CFAP206: variants seen among roughly 807,000 people sequenced by gnomAD.
The protein encoded by CFAP206 is cilia- and flagella-associated protein 206.
Under a neutral mutation model 65.4 loss-of-function variants are expected in CFAP206, and 53 were observed. The ratio of observed to expected loss-of-function variants is 0.81; its 90% CI spans 0.65 to 1.02. CFAP206 has a LOEUF of 1.02. CFAP206 is among the 50% of genes least tolerant of loss of function. The pLI is 0.00. For synonymous variants in CFAP206, 250 were observed against 254.4 expected, an observed-to-expected ratio of 0.98 and a Z score of 0.17; for missense variants, 663 against 753.2, an observed-to-expected ratio of 0.88 and a Z score of 1.40.
chr6:87,450,140 A>C (rs908742294), intron 11 of CFAP206, among the ~76,000 whole-genome samples: 1 of 151,734 alleles, frequency 6.6e-6, no homozygotes, highest in African/African-American at 2.4e-5. Flanking sequence ...AAATGTGTGG[A>C]TTTATTTCTG....
intron 11 of CFAP206, among the ~76,000 whole-genome samples, chr6:87,457,149 C>CAAAAAAAA (rs56842848): frequency 2.6e-5 from 3 of 115,910 alleles, no homozygotes; most frequent in Non-Finnish European, 5.5e-5. Flanking sequence ...GACAACCTCT[C>CAAAAAAAA]AAAAAAAAAA....
rs1264399513 is a variant in CFAP206, at chr6:87,410,640, T to C, written c.164T>C (p.Met55Thr). The change falls in exon 3 of 13, where the codon ATG becomes ACG. Residue 55 changes from methionine (M) to threonine (T), a missense_variant. Coordinates refer to ENST00000369562, the MANE Select transcript of CFAP206 (RefSeq NM_001031743.3). ...SNGFNMDRTL[M>T]KSDVQNLVKL... ...GGCTTTAACATGGATAGAACCCTCA[T>C]GAAAAGTGATGTGCAGAATCTTGTT... 6.2e-7 allele frequency: 1 copy of C among 1,614,048 alleles called. No homozygotes were observed. Among genetic ancestry groups the C allele is most frequent in the Non-Finnish European group, 8.5e-7 (1 of 1,179,942 alleles).
intron 7 of CFAP206, among the ~76,000 whole-genome samples, chr6:87,421,104 T>C (rs894593825): frequency 2.0e-5 from 3 of 152,252 alleles, no homozygotes; most frequent in Admixed American, 2.0e-4. Context: ...TAAAGTCACA[T>C]TATTTGAACT....
chr6:87,449,436 CAAAAAAAAA>C (rs34540279), intron 11 of CFAP206, among the ~76,000 whole-genome samples: 1 of 53,060 alleles, frequency 1.9e-5, no homozygotes, highest in Non-Finnish European at 3.8e-5. Flanking sequence ...GACTCCATCT[CAAAAAAAAA>C]AAAAAAAAAA....
At chr6:87,408,927 C>G (rs1466694859) in intron 1 of CFAP206, 1 of 152,204 alleles carries the variant, frequency 6.6e-6, no homozygotes, top group Non-Finnish European at 1.5e-5. Flanking sequence ...CTTTGTTATA[C>G]TCTACATGCC....
At chr6:87,414,034 G>A in intron 4 of CFAP206, 134 bp downstream of exon 4, 2 of 421,908 alleles carry the variant, frequency 4.7e-6, no homozygotes, top group Non-Finnish European at 7.9e-6. Context: ...TCAACTTTGA[G>A]GAATACAACG....
Position 87,464,093 on chromosome 6 carries a change from A to G in CFAP206, c.1712A>G (p.Gln571Arg). The change falls in exon 13 of 13, where the codon CAA (glutamine) becomes CGA (arginine). Residue 571 changes from glutamine to arginine, a missense_variant. Transcript: ENST00000369562. ...LSHLRRENCSQVYPPKDTSTQ... is the reference protein window; with the variant it reads ...LSHLRRENCSRVYPPKDTSTQ... The stretch of plus-strand genomic sequence containing the variant: ...CACTTGAGAAGAGAAAATTGTTCCC[A>G]AGTGTACCCTCCAAAGGACACTAGC... 6.2e-7 allele frequency: 1 copy of G among 1,614,176 alleles called. No individual in the cohort carries two copies. The highest frequency in any genetic ancestry group is 8.5e-7 in the Non-Finnish European group (1 of 1,180,020).
In CFAP206 at chr6:87,428,602, G is replaced by C. The variant is rs751495559; in HGVS notation, c.961-24G>C. 4 of 1,599,562 alleles carry C rather than the reference G, an allele frequency of 2.5e-6. No individual in the cohort carries two copies. The South Asian group carries it at 4.4e-5, about 18-fold the overall frequency. On this transcript the variant is annotated intron_variant, in intron 8 of 12. Coordinates refer to ENST00000369562, the MANE Select transcript of CFAP206 (RefSeq NM_001031743.3). ...TAATTTTATTACACAGTTGCATTTT[G>C]AATATTTTTTTTCTCTTCCTCAGCC...
At chr6:87,414,091 A>G (rs554042927) in intron 4 of CFAP206, among the ~76,000 whole-genome samples, 191 bp downstream of exon 4, 9 of 152,320 alleles carry the variant, frequency 5.9e-5, no homozygotes, top group African/African-American at 2.2e-4. Context: ...GTGAGTGTTA[A>G]AAGTGAATTC....
At chr6:87,437,682 G>GGC (rs1157347488) in intron 11 of CFAP206, among the ~76,000 whole-genome samples, 1 of 151,480 alleles carries the variant, frequency 6.6e-6, no homozygotes, top group Non-Finnish European at 1.5e-5. Flanking sequence ...TTGAGACAGA[G>GGC]GCTCACTCTG....
chr6:87,419,946 A>T (rs566986979), intron 7 of CFAP206, among the ~76,000 whole-genome samples: 1 of 152,294 alleles, frequency 6.6e-6, no homozygotes, highest in South Asian at 2.1e-4. Flanking sequence ...GCATGGTGGT[A>T]CTAACCTGTA....
Position 87,461,002 on chromosome 6 carries a change from A to G in CFAP206, c.1495-20A>G. 1.3e-6 allele frequency: 2 copies of G among 1,561,802 alleles called. No homozygotes were observed. The highest frequency in any genetic ancestry group is 1.7e-6 in the Non-Finnish European group (2 of 1,161,912). ...TGTTTATTTTTTACAAGCACTAACT[A>G]CAAAACTCCACTTCTTTAGATGAGA... On this transcript the variant is annotated intron_variant, in intron 11 of 12. Transcript: ENST00000369562.
chr6:87,460,912 CA>C, intron 11 of CFAP206, 109 bp from the exon 12 acceptor site: 1 of 876,426 alleles, frequency 1.1e-6, no homozygotes, highest in Non-Finnish European at 1.7e-6. Context: ...ATTCCATGTC[CA>C]AAAATTATTG....
At chr6:87,429,862 G>A (rs1366608414) in intron 9 of CFAP206, among the ~76,000 whole-genome samples, 1 of 152,014 alleles carries the variant, frequency 6.6e-6, no homozygotes, top group Non-Finnish European at 1.5e-5. Flanking sequence ...AACTAAACCA[G>A]AAACTAAAAA....
chr6:87,412,346 G>A lies in CFAP206; in HGVS notation c.193-1464G>A, dbSNP rs777051802. 2.0e-5 allele frequency among the ~76,000 whole-genome samples: 3 copies of A among 152,242 alleles called. No individual in the cohort carries two copies. In the South Asian group the frequency reaches 6.2e-4, roughly 32 times the overall value. ...CCCCTCCCTCCTCCCAGGAAAGCAG[G>A]GCTGGTGCTCAGGGAGATGGGTTGA... On this transcript the variant is annotated intron_variant, in intron 3 of 12. Coordinates refer to ENST00000369562, the MANE Select transcript of CFAP206 (RefSeq NM_001031743.3).
At chr6:87,425,586 C>T (rs566945024) in intron 7 of CFAP206, among the ~76,000 whole-genome samples, 2 of 152,236 alleles carry the variant, frequency 1.3e-5, no homozygotes, top group South Asian at 4.2e-4. Context: ...AGAAGTATTT[C>T]AAGTATGCTT....
Position 87,464,061 on chromosome 6 carries a change from T to C in CFAP206, c.1680T>C (p.Asp560=). ...RQKVTHSVQT[D]LSHLRRENCS... is the part of the protein sequence containing the mutation. ...AAGTTACTCACTCAGTACAAACTGA[T>C]CTTAGTCACTTGAGAAGAGAAAATT... is the stretch of plus-strand genomic sequence containing the variant. The change falls in exon 13 of 13, where the codon GAT becomes GAC. Residue 560 remains aspartate, a synonymous_variant. Coordinates refer to ENST00000369562, the MANE Select transcript of CFAP206 (RefSeq NM_001031743.3). 1 of 1,614,080 alleles carries C rather than the reference T, an allele frequency of 6.2e-7. No individual in the cohort carries two copies. Among genetic ancestry groups the C allele is most frequent in the Non-Finnish European group, 8.5e-7 (1 of 1,179,944 alleles).
At chr6:87,420,002 A>C (rs775784118) in intron 7 of CFAP206, among the ~76,000 whole-genome samples, 1 of 152,192 alleles carries the variant, frequency 6.6e-6, no homozygotes, top group East Asian at 1.9e-4. Context: ...GCTTGAGCCC[A>C]GGAGCTTGAG....
intron 4 of CFAP206, among the ~76,000 whole-genome samples, chr6:87,414,717 T>G (rs538828387): frequency 4.8e-4 from 73 of 152,336 alleles, no homozygotes; most frequent in Non-Finnish European, 9.0e-4. Flanking sequence ...TCTATTTCTC[T>G]ATGGACTACC....
Sources: allele counts gnomAD v4.1 joint callset (sites outside exome capture counted in the v4.1 genomes callset), GRCh38; gene constraint gnomAD v4.1.1; transcripts MANE v1.5; gene names NCBI Gene and HGNC (gene_info 2026-07-23, HGNC 2026-07-21).